Variants in JMJD1C observed in about 807,000 individuals in gnomAD.
JMJD1C encodes the protein jumonji domain-containing protein 1C.
Under a neutral mutation model 245.3 loss-of-function variants are expected in JMJD1C, and 31 were observed. That is an observed-to-expected ratio of 0.13 (90% confidence interval 0.09 to 0.17). The LOEUF is 0.17. Ranked by LOEUF, JMJD1C falls within the 10% of genes least tolerant of loss-of-function variation. The probability of loss-of-function intolerance (pLI) is 1.00; values close to 1 mark genes in which losing one functional copy is unlikely to be tolerated. For missense variants in JMJD1C, 2,691 were observed against 3,000.2 expected (o/e 0.90, Z 2.41); for synonymous variants, 1,057 against 1,017.4 (o/e 1.04, Z -0.74).
At chr10:63,316,792 G>A (rs1193992547) in intron 2 of JMJD1C, among the ~76,000 whole-genome samples, 5 of 152,040 alleles carry the variant, frequency 3.3e-5, no homozygotes, top group Non-Finnish European at 7.4e-5. Flanking sequence ...TCTGCTACAT[G>A]CATAGAATTG....
intron 3 of JMJD1C, among the ~76,000 whole-genome samples, chr10:63,227,777 G>C (rs999771499): frequency 6.6e-6 from 1 of 152,058 alleles, no homozygotes; most frequent in Non-Finnish European, 1.5e-5. Context: ...AACATGTTTT[G>C]CCATACCAGT....
intron 2 of JMJD1C, among the ~76,000 whole-genome samples, chr10:63,317,755 TA>T (rs1413000608): frequency 2.0e-5 from 3 of 152,190 alleles, no homozygotes; most frequent in Non-Finnish European, 4.4e-5. Context: ...ACTGAAATTC[TA>T]TTCAGTGTGC....
intron 1 of JMJD1C, among the ~76,000 whole-genome samples, chr10:63,423,028 G>A (rs989851928): frequency 7.3e-5 from 11 of 150,780 alleles, no homozygotes; most frequent in South Asian, 2.1e-4. Flanking sequence ...GCAATGGCAC[G>A]ATATCGGCTC....
At chr10:63,343,192 T>C (rs891679882) in intron 2 of JMJD1C, among the ~76,000 whole-genome samples, 2 of 151,984 alleles carry the variant, frequency 1.3e-5, no homozygotes, top group African/African-American at 2.4e-5. Context: ...CGAAACCCTG[T>C]CTCTACAAAA....
intron 10 of JMJD1C, among the ~76,000 whole-genome samples, chr10:63,201,112 G>C (rs778100271): frequency 6.6e-6 from 1 of 152,150 alleles, no homozygotes; most frequent in Non-Finnish European, 1.5e-5. Flanking sequence ...GGTTTATATA[G>C]TTAGAAACTA....
At chr10:63,406,371 T>C (rs961461585) in intron 1 of JMJD1C, among the ~76,000 whole-genome samples, 1 of 152,186 alleles carries the variant, frequency 6.6e-6, no homozygotes, top group Non-Finnish European at 1.5e-5. Flanking sequence ...ATAAGCAATT[T>C]TGGACATGAA....
chr10:63,186,427 TTTC>T (rs750110684), intron 18 of JMJD1C, 44 bp from the exon 19 acceptor site: 3 of 1,463,908 alleles, frequency 2.0e-6, no homozygotes, highest in Admixed American at 2.1e-5. Context: ...ATATATAGAC[TTTC>T]TTTTTTGTTT....
Position 63,177,697 on chromosome 10 carries a change from A to T in JMJD1C, c.7224+20T>A. The T allele has an allele frequency of 6.2e-7, 1 of 1,612,126 alleles. No homozygotes were observed. The highest frequency in any genetic ancestry group is 1.3e-5 in the African/African-American group (1 of 74,976). ...TCCTTGCTTGAGGGGAAGAGATATT[A>T]TTTGCAAACTAACTTATACCTTTTG... is the stretch of plus-strand genomic sequence containing the variant. On this transcript the variant is annotated intron_variant, in intron 23 of 25. Transcript: ENST00000399262.
At chr10:63,431,919 G>A (rs577854583) in intron 1 of JMJD1C, among the ~76,000 whole-genome samples, 1 of 152,322 alleles carries the variant, frequency 6.6e-6, no homozygotes, top group East Asian at 1.9e-4. Flanking sequence ...GGCTGAGGCA[G>A]GACAATCGCT....
intron 3 of JMJD1C, among the ~76,000 whole-genome samples, chr10:63,239,389 A>G (rs1256379212): frequency 3.9e-5 from 6 of 152,188 alleles, no homozygotes; most frequent in African/African-American, 1.4e-4. Flanking sequence ...AGGCAGAATT[A>G]GTAATTCTGG....
At chr10:63,277,570 C>CA (rs963527310) in intron 2 of JMJD1C, among the ~76,000 whole-genome samples, 20 of 151,570 alleles carry the variant, frequency 1.3e-4, no homozygotes, top group Non-Finnish European at 2.7e-4. Context: ...CAAAACATGG[C>CA]AAAAAAAGAT....
In JMJD1C at chr10:63,312,951, C is replaced by T. The variant is rs553300446; in HGVS notation, c.334-48187G>A. Among the ~76,000 whole-genome samples the T allele has an allele frequency of 4.9e-4, 74 of 151,750 alleles. 1 individual carries two copies. In the South Asian group the frequency reaches 0.015, roughly 31 times the overall value. Reference sequence around the variant, plus strand: ...ACATTAAACAATTACTTTCTTAAAACTTTTTTTTTCCATAGGTTTTTGGGG... The same window carrying T: ...ACATTAAACAATTACTTTCTTAAAATTTTTTTTTTCCATAGGTTTTTGGGG... On this transcript the variant is annotated intron_variant, in intron 2 of 25. Transcript: ENST00000399262.
intron 2 of JMJD1C, among the ~76,000 whole-genome samples, chr10:63,359,353 G>A (rs1253064547): frequency 7.2e-5 from 11 of 152,166 alleles, no homozygotes; most frequent in South Asian, 6.2e-4. Context: ...TGTTCTGGAC[G>A]TTTTACAGAG....
intron 2 of JMJD1C, among the ~76,000 whole-genome samples, chr10:63,310,327 A>G (rs563733173): frequency 6.6e-6 from 1 of 152,356 alleles, no homozygotes; most frequent in Non-Finnish European, 1.5e-5. Context: ...AATAGCTAAG[A>G]TAGAACTTCA....
At position 63,207,952 on chromosome 10, in the gene JMJD1C, A is replaced by G. The variant is rs751482085; in HGVS notation, c.3717T>C (p.Asn1239=). ...PPTLTPVMPV[N]AGGKVQESQK... The stretch of plus-strand genomic sequence containing the variant: ...GTGATTCTTGAACTTTACCACCAGC[A>G]TTTACTGGCATCACCGGAGTTAAAG... The change falls in exon 10 of 26, where the codon AAT becomes AAC. Residue 1239 remains asparagine (N), a synonymous_variant. Coordinates refer to ENST00000399262, the MANE Select transcript of JMJD1C (RefSeq NM_032776.3). 3.7e-4 allele frequency: 597 copies of G among 1,614,152 alleles called. 2 individuals are homozygous for G. Among genetic ancestry groups the G allele is most frequent in the Non-Finnish European group, 3.7e-5 (44 of 1,180,002 alleles).
At chr10:63,400,569 T>TC (rs1948787324) in intron 1 of JMJD1C, among the ~76,000 whole-genome samples, 1 of 152,090 alleles carries the variant, frequency 6.6e-6, no homozygotes, top group African/African-American at 2.4e-5. Context: ...TTTCTGCCTT[T>TC]CCCCCGGCCC....
intron 22 of JMJD1C, 44 bp from the exon 23 acceptor site, chr10:63,177,900 C>T: frequency 6.3e-7 from 1 of 1,596,016 alleles, no homozygotes; most frequent in Non-Finnish European, 8.5e-7. Flanking sequence ...CAAAGAATAC[C>T]AGAAAGCCAA....
intron 10 of JMJD1C, among the ~76,000 whole-genome samples, 172 bp from the exon 11 acceptor site, chr10:63,200,849 G>A (rs940579788): frequency 2.0e-5 from 3 of 152,148 alleles, no homozygotes; most frequent in African/African-American, 7.2e-5. Context: ...GTGCAGCAGC[G>A]TTTCTATTTA....
chr10:63,309,089 A>G (rs758067587), intron 2 of JMJD1C, among the ~76,000 whole-genome samples: 1 of 152,212 alleles, frequency 6.6e-6, no homozygotes, highest in Non-Finnish European at 1.5e-5. Flanking sequence ...AGAAAGACCA[A>G]ACAACAACAA....
Sources: allele counts gnomAD v4.1 joint callset (sites outside exome capture counted in the v4.1 genomes callset), GRCh38; gene constraint gnomAD v4.1.1; transcripts MANE v1.5; gene names NCBI Gene and HGNC (gene_info 2026-07-23, HGNC 2026-07-21).